The following GNAI1 variants were observed in gnomAD, a reference collection of about 807,000 sequenced individuals.
The protein encoded by GNAI1 is guanine nucleotide-binding protein G(i) subunit alpha-1.
In GNAI1, 11 loss-of-function variants were observed where a neutral mutation model predicts 38.9. The ratio of observed to expected loss-of-function variants is 0.28; its 90% CI spans 0.18 to 0.47. GNAI1 has a LOEUF of 0.47. GNAI1 is among the 20% of genes least tolerant of loss of function. The probability of loss-of-function intolerance (pLI) is 0.99; values close to 1 mark genes in which losing one functional copy is unlikely to be tolerated. For synonymous variants in GNAI1, 166 were observed against 145.1 expected (o/e 1.14, Z -1.04); for missense variants, 317 against 436.9 (o/e 0.73, Z 2.45).
intron 1 of GNAI1, among the ~76,000 whole-genome samples, chr7:80,170,297 A>G (rs11980616): frequency 0.16 from 24,486 of 152,186 alleles, 2,868 homozygotes; most frequent in African/African-American, 0.33. Context: ...CATTTCAGCA[A>G]TACTTGGATT....
intron 4 of GNAI1, among the ~76,000 whole-genome samples, chr7:80,202,139 G>C (rs1788698026): frequency 6.6e-6 from 1 of 152,098 alleles, no homozygotes; most frequent in South Asian, 2.1e-4. Flanking sequence ...CCCCAGGCTG[G>C]AGTGCAGTGA....
intron 5 of GNAI1, among the ~76,000 whole-genome samples, chr7:80,204,609 T>G (rs1285063773): frequency 6.6e-6 from 1 of 152,182 alleles, no homozygotes; most frequent in African/African-American, 2.4e-5. Flanking sequence ...TTGTTTTATC[T>G]ATACAGCCTT....
intron 1 of GNAI1, among the ~76,000 whole-genome samples, chr7:80,136,937 C>T (rs146702634): frequency 6.6e-6 from 1 of 152,278 alleles, no homozygotes; most frequent in East Asian, 1.9e-4. Context: ...ATCAGTGTGT[C>T]TTGATCTTAG....
At chr7:80,201,377 C>G (rs916676172) in intron 4 of GNAI1, among the ~76,000 whole-genome samples, 2 of 152,138 alleles carry the variant, frequency 1.3e-5, no homozygotes, top group African/African-American at 2.4e-5. Flanking sequence ...CCCTCAGTCT[C>G]TTGTCCAAGA....
Position 80,217,377 on chromosome 7 carries a change from A to G in GNAI1, c.949A>G (p.Lys317Glu). Residue 317 changes from lysine (K) to glutamate (E), a missense_variant, in exon 8 of 8, where the codon AAG becomes GAG. This residue lies in a region of GNAI1 where 158 missense variants were observed against 234.7 expected (regional missense o/e 0.67). Coordinates refer to ENST00000649796, the MANE Select transcript of GNAI1 (RefSeq NM_002069.6). ...AGACCTCAATAAAAGAAAGGACACA[A>G]AGGAAATATACACCCACTTCACATG... Reference protein sequence around the residue: ...FEDLNKRKDTKEIYTHFTCAT... With the variant: ...FEDLNKRKDTEEIYTHFTCAT... The G allele has an allele frequency of 6.2e-7, 1 of 1,607,194 alleles. No homozygotes were observed. The highest frequency in any genetic ancestry group is 8.5e-7 in the Non-Finnish European group (1 of 1,175,406).
At chr7:80,183,583 A>G (rs1232082977) in intron 1 of GNAI1, among the ~76,000 whole-genome samples, 2 of 152,124 alleles carry the variant, frequency 1.3e-5, no homozygotes, top group Non-Finnish European at 2.9e-5. Context: ...GCCAGGAAAT[A>G]AATGATATAA....
rs749988269 is a variant in GNAI1, at chr7:80,189,084, C to G, written c.162-6C>G. The G allele has an allele frequency of 5.6e-6, 9 of 1,605,318 alleles. No individual in the cohort carries two copies. Among genetic ancestry groups the G allele is most frequent in the Non-Finnish European group, 2.6e-6 (3 of 1,174,930 alleles). ...TAATTCTTTTTTTTCCCTTTTGTCT[C>G]ATTAGAATTATCCATGAAGCTGGTT... On this transcript the variant is annotated splice_polypyrimidine_tract_variant and splice_region_variant and intron_variant, in intron 2 of 7. Coordinates refer to ENST00000649796, the MANE Select transcript of GNAI1 (RefSeq NM_002069.6).
intron 1 of GNAI1, among the ~76,000 whole-genome samples, chr7:80,158,710 T>A (rs1439010028): frequency 1.3e-5 from 2 of 152,156 alleles, no homozygotes; most frequent in Non-Finnish European, 2.9e-5. Flanking sequence ...TGTCTTTAAT[T>A]AACAACATGA....
chr7:80,213,842 GTT>G lies in GNAI1; in HGVS notation c.874+983_874+984del, dbSNP rs35471308. On this transcript the variant is annotated intron_variant, in intron 7 of 7. Coordinates refer to ENST00000649796, the MANE Select transcript of GNAI1 (RefSeq NM_002069.6). Reference sequence around the variant, plus strand: ...TATTTACCCTCACCCCACTCTTCCTGTTTTTTTTTTTAAAAGTCTCAAGAATT... The same window carrying G: ...TATTTACCCTCACCCCACTCTTCCTGTTTTTTTTTAAAAGTCTCAAGAATT... Among the ~76,000 whole-genome samples, 5 of 148,174 alleles carry G rather than the reference GTT, an allele frequency of 3.4e-5. No individual in the cohort carries two copies. The South Asian group carries it at 6.4e-4, about 19-fold the overall frequency.
chr7:80,190,490 T>C (rs1788462959), intron 3 of GNAI1, among the ~76,000 whole-genome samples: 1 of 152,098 alleles, frequency 6.6e-6, no homozygotes, highest in Non-Finnish European at 1.5e-5. Context: ...GCAATAAGCA[T>C]TCTTGAGATG....
chr7:80,146,946 T>C (rs1408643196), intron 1 of GNAI1, among the ~76,000 whole-genome samples: 1 of 152,228 alleles, frequency 6.6e-6, no homozygotes, highest in Non-Finnish European at 1.5e-5. Flanking sequence ...CTTCTTCTAA[T>C]GTCAATCTAG....
At chr7:80,143,110 T>C (rs1478976672) in intron 1 of GNAI1, among the ~76,000 whole-genome samples, 1 of 152,214 alleles carries the variant, frequency 6.6e-6, no homozygotes, top group African/African-American at 2.4e-5. Context: ...GTCTTGCTTG[T>C]TCCTATGTGG....
intron 1 of GNAI1, among the ~76,000 whole-genome samples, chr7:80,143,294 C>G (rs891433745): frequency 6.6e-6 from 1 of 151,956 alleles, no homozygotes; most frequent in Non-Finnish European, 1.5e-5. Context: ...AAAATAGATA[C>G]TAGGTAGGGG....
intron 1 of GNAI1, among the ~76,000 whole-genome samples, chr7:80,153,039 A>T (rs1787755833): frequency 6.6e-6 from 1 of 152,114 alleles, no homozygotes; most frequent in Non-Finnish European, 1.5e-5. Context: ...GTAGACTTTT[A>T]TATTTTAGAA....
At chr7:80,197,353 TC>T (rs1229921553) in intron 3 of GNAI1, among the ~76,000 whole-genome samples, 1 of 151,950 alleles carries the variant, frequency 6.6e-6, no homozygotes, top group Non-Finnish European at 1.5e-5. Flanking sequence ...GTTTCTTAAG[TC>T]TTTACTTCAG....
intron 3 of GNAI1, among the ~76,000 whole-genome samples, chr7:80,191,544 A>C (rs1023068184): frequency 6.6e-6 from 1 of 152,022 alleles, no homozygotes; most frequent in African/African-American, 2.4e-5. Flanking sequence ...GATGTATGCC[A>C]CCACACCTGG....
At position 80,223,303 on chromosome 7, in the gene GNAI1, AT is replaced by A. The variant is rs144824752; in HGVS notation, c.*5816del. Among the ~76,000 whole-genome samples, 2,479 of 152,214 alleles carry A rather than the reference AT, an allele frequency of 0.016. 66 individuals are homozygous for A. The highest frequency in any genetic ancestry group is 0.056 in the African/African-American group (2,311 of 41,540). On this transcript the variant is annotated 3_prime_UTR_variant, in exon 8 of 8. Transcript: ENST00000649796. ...TCTGTGTATTCTCTATTTTACCAGGATTTTTTGTTTTTGCTAAATTAGACAT... is the reference window on the plus strand; with the variant it reads ...TCTGTGTATTCTCTATTTTACCAGGATTTTTGTTTTTGCTAAATTAGACAT...
intron 1 of GNAI1, among the ~76,000 whole-genome samples, chr7:80,150,129 A>T (rs985099123): frequency 6.6e-6 from 1 of 152,210 alleles, no homozygotes; most frequent in Admixed American, 6.5e-5. Flanking sequence ...GTAAAGCTTT[A>T]TCAATACTTA....
chr7:80,170,535 A>G (rs1479760933), intron 1 of GNAI1, among the ~76,000 whole-genome samples: 1 of 152,196 alleles, frequency 6.6e-6, no homozygotes, highest in Non-Finnish European at 1.5e-5. Flanking sequence ...AAGAGTTTTA[A>G]TTGGCTCACA....
Sources: allele counts gnomAD v4.1 joint callset (sites outside exome capture counted in the v4.1 genomes callset), GRCh38; gene constraint gnomAD v4.1.1; regional missense constraint gnomAD v4.1.1; transcripts MANE v1.5; gene names NCBI Gene and HGNC (gene_info 2026-07-23, HGNC 2026-07-21).